Variants in ZFHX3 observed in about 807,000 individuals in gnomAD.
ZFHX3 encodes the protein zinc finger homeobox 3, also known as zinc finger homeobox protein 3.
A neutral mutation model predicts 279.1 loss-of-function variants in ZFHX3; 42 were observed. The ratio of observed to expected loss-of-function variants is 0.15; its 90% CI spans 0.12 to 0.19. The LOEUF (loss-of-function observed/expected upper bound fraction) is 0.19. Among genes scored for constraint, ZFHX3 ranks in the 10% least tolerant of loss-of-function variants. The probability of loss-of-function intolerance (pLI) is 1.00; values close to 1 mark genes in which losing one functional copy is unlikely to be tolerated. For missense variants in ZFHX3, 4,981 were observed against 4,754.0 expected (o/e 1.05, Z -1.40); for synonymous variants, 2,293 against 1,957.8 (o/e 1.17, Z -4.52).
intron 1 of ZFHX3, among the ~76,000 whole-genome samples, chr16:73,874,222 C>T (rs977735769): frequency 6.6e-6 from 1 of 152,032 alleles, no homozygotes; most frequent in African/African-American, 2.4e-5. Context: ...ATACTGTGTG[C>T]ATATTTAGGA....
At chr16:73,105,458 T>TACACACACACATA (rs1396464674) in intron 7 of ZFHX3, among the ~76,000 whole-genome samples, 1 of 63,512 alleles carries the variant, frequency 1.6e-5, no homozygotes, top group Non-Finnish European at 3.4e-5. Flanking sequence ...TATATATATA[T>TACACACACACATA]TTTTTCCCCC....
intron 4 of ZFHX3, among the ~76,000 whole-genome samples, chr16:72,884,443 G>A (rs921044502): frequency 6.6e-6 from 1 of 152,216 alleles, no homozygotes; most frequent in Non-Finnish European, 1.5e-5. Context: ...CTAGTCATCA[G>A]TGTGTCCATA....
At chr16:73,714,584 C>T (rs1597078467) in intron 1 of ZFHX3, among the ~76,000 whole-genome samples, 1 of 152,296 alleles carries the variant, frequency 6.6e-6, no homozygotes, top group African/African-American at 2.4e-5. Flanking sequence ...TATTCAAATG[C>T]TTTATGGCAT....
intron 3 of ZFHX3, among the ~76,000 whole-genome samples, chr16:72,914,085 C>A (rs1264329234): frequency 6.6e-6 from 1 of 152,214 alleles, no homozygotes; most frequent in Non-Finnish European, 1.5e-5. Flanking sequence ...CCCAGGCCCC[C>A]TGGCTCTAGA....
chr16:72,924,386 G>A lies in ZFHX3; in HGVS notation c.3216+26083C>T, dbSNP rs193160749. ...GTCACTGACTGTAAAACTACAAGAG[G>A]AGGTAAGAAAGTACTACAGCCCAAG... On this transcript the variant is annotated intron_variant, in intron 3 of 9. Coordinates refer to ENST00000268489, the MANE Select transcript of ZFHX3 (RefSeq NM_006885.4). Among the ~76,000 whole-genome samples the A allele has an allele frequency of 3.9e-4, 60 of 152,312 alleles. 1 individual carries two copies. The highest frequency in any genetic ancestry group is 3.4e-3 in the Middle Eastern group (1 of 294).
intron 1 of ZFHX3, among the ~76,000 whole-genome samples, chr16:73,681,536 T>C (rs1196890070): frequency 6.6e-6 from 1 of 152,210 alleles, no homozygotes; most frequent in African/African-American, 2.4e-5. Flanking sequence ...GTCATGAGTC[T>C]AGAGCACGTT....
At chr16:73,468,456 C>A (rs532712151) in intron 2 of ZFHX3, among the ~76,000 whole-genome samples, 2 of 152,304 alleles carry the variant, frequency 1.3e-5, no homozygotes, top group East Asian at 3.9e-4. Context: ...AAAAAATTAG[C>A]TAGGCGTGGT....
At chr16:73,537,311 CTTCT>C (rs1336338296) in intron 2 of ZFHX3, among the ~76,000 whole-genome samples, 1 of 113,074 alleles carries the variant, frequency 8.8e-6, no homozygotes, top group Non-Finnish European at 1.8e-5. Flanking sequence ...CTTCTTTCTT[CTTCT>C]TTTTTTTTTT....
At chr16:73,166,780 A>G (rs914759240) in intron 5 of ZFHX3, among the ~76,000 whole-genome samples, 4 of 152,248 alleles carry the variant, frequency 2.6e-5, no homozygotes, top group African/African-American at 9.6e-5. Flanking sequence ...GAATATGGCC[A>G]GAAATTGAAA....
chr16:73,506,005 CAG>C (rs1393832365), intron 2 of ZFHX3, among the ~76,000 whole-genome samples: 1 of 152,210 alleles, frequency 6.6e-6, no homozygotes, highest in African/African-American at 2.4e-5. Context: ...CTGAGAGACT[CAG>C]GGGATCACAC....
chr16:73,236,129 A>G (rs7500613), intron 5 of ZFHX3, among the ~76,000 whole-genome samples: 13,778 of 152,312 alleles, frequency 0.09, 1,020 homozygotes, highest in East Asian at 0.45. Flanking sequence ...ATTTAAAAAT[A>G]TAGATATTAG....
chr16:73,793,075 T>TA (rs1959882955), intron 1 of ZFHX3, among the ~76,000 whole-genome samples: 2 of 152,210 alleles, frequency 1.3e-5, no homozygotes, highest in Admixed American at 1.3e-4. Context: ...GGACTTCAGC[T>TA]TATATGAAAA....
At chr16:73,341,039 A>C (rs1268929657) in intron 3 of ZFHX3, among the ~76,000 whole-genome samples, 1 of 152,190 alleles carries the variant, frequency 6.6e-6, no homozygotes, top group East Asian at 1.9e-4. Context: ...GAAATATACA[A>C]AGTCTTCTTA....
At position 73,307,890 on chromosome 16, in the gene ZFHX3, G is replaced by A. The variant is rs1359548165; in HGVS notation, c.-1194+10350C>T. Among the ~76,000 whole-genome samples the A allele has an allele frequency of 4.6e-5, 7 of 152,104 alleles. No homozygotes were observed. The East Asian group carries it at 1.4e-3, about 29-fold the overall frequency. On this transcript the variant is annotated intron_variant, in intron 4 of 17. Transcript: ENST00000641206. ...TTTGGAAATGGGCACCAGGTACCTT[G>A]AAGATGAGCAATTGCCTTTACAGGA...
chr16:73,708,690 A>C (rs1310539354), intron 1 of ZFHX3, among the ~76,000 whole-genome samples: 2 of 152,230 alleles, frequency 1.3e-5, no homozygotes, highest in Non-Finnish European at 2.9e-5. Flanking sequence ...GAATAGGAGA[A>C]GAGGTATACA....
At chr16:73,116,554 C>T (rs943102948) in intron 7 of ZFHX3, among the ~76,000 whole-genome samples, 1 of 152,070 alleles carries the variant, frequency 6.6e-6, no homozygotes, top group Non-Finnish European at 1.5e-5. Context: ...TTTTTTGTAC[C>T]TGGGGATGCA....
intron 3 of ZFHX3, among the ~76,000 whole-genome samples, chr16:73,339,298 G>A (rs796830155): frequency 4.3e-4 from 65 of 152,252 alleles, no homozygotes; most frequent in African/African-American, 1.5e-3. Flanking sequence ...GAAGTTGTTT[G>A]TGCCTATCTC....
intron 1 of ZFHX3, among the ~76,000 whole-genome samples, chr16:73,761,988 C>T (rs922349358): frequency 6.6e-6 from 1 of 151,914 alleles, no homozygotes; most frequent in Non-Finnish European, 1.5e-5. Context: ...CAAATGGGAC[C>T]TAATTAAACT....
At chr16:73,098,387 A>G (rs998616623) in intron 7 of ZFHX3, among the ~76,000 whole-genome samples, 2 of 150,982 alleles carry the variant, frequency 1.3e-5, no homozygotes, top group Admixed American at 6.6e-5. Context: ...TTTGAGATGG[A>G]GTTTTGCTCT....
Sources: allele counts gnomAD v4.1 joint callset (sites outside exome capture counted in the v4.1 genomes callset), GRCh38; gene constraint gnomAD v4.1.1; transcripts MANE v1.5; gene names NCBI Gene and HGNC (gene_info 2026-07-23, HGNC 2026-07-21).